TNRC6B: variants seen among roughly 807,000 people sequenced by gnomAD.
The protein encoded by TNRC6B is trinucleotide repeat-containing gene 6B protein.
In TNRC6B, 52 loss-of-function variants were observed where a neutral mutation model predicts 203.6. The observed-to-expected ratio is 0.26, with a 90% CI of 0.20 to 0.32. The LOEUF is 0.32. Ranked by LOEUF, TNRC6B falls within the 10% of genes least tolerant of loss-of-function variation. The pLI is 1.00. For synonymous variants in TNRC6B, 838 were observed against 845.7 expected, an observed-to-expected ratio of 0.99 and a Z score of 0.16; for missense variants, 1,923 against 2,286.2, an observed-to-expected ratio of 0.84 and a Z score of 3.24.
chr22:40,271,783 G>A (rs2070566564), intron 6 of TNRC6B, among the ~76,000 whole-genome samples: 2 of 152,188 alleles, frequency 1.3e-5, no homozygotes, highest in African/African-American at 4.8e-5. Flanking sequence ...AGGATCATCT[G>A]TAGTTATAGC....
In TNRC6B at chr22:40,266,724, C is replaced by T. The variant is rs1287908016; in HGVS notation, c.2494C>T (p.Pro832Ser). 5.0e-6 allele frequency: 8 copies of T among 1,613,910 alleles called. No individual in the cohort carries two copies. The highest frequency in any genetic ancestry group is 2.2e-5 in the East Asian group (1 of 44,898). Residue 832 changes from proline to serine, a missense_variant, in exon 5 of 23, where the codon CCA (proline) becomes TCA (serine). By Grantham distance (74) the Pro-to-Ser change is moderately conservative (BLOSUM62 -1). Transcript: ENST00000454349. The stretch of plus-strand genomic sequence containing the variant: ...GCAGCCCCCACAGCAGCCGCCGCCA[C>T]CACAACCAGAGGCTTCTGGTTCGTG... ...QQQPPQQPPP[P>S]QPEASGSWGG...
chr22:40,280,239 A>G (rs1398644515), intron 10 of TNRC6B, 96 bp downstream of exon 10: 4 of 1,276,020 alleles, frequency 3.1e-6, no homozygotes, highest in Non-Finnish European at 4.4e-6. Context: ...GCATAGAATT[A>G]CTGAACTAGA....
At chr22:40,220,197 TGG>T (rs1171359358) in intron 1 of TNRC6B, among the ~76,000 whole-genome samples, 2 of 152,192 alleles carry the variant, frequency 1.3e-5, no homozygotes, top group African/African-American at 2.4e-5. Flanking sequence ...CTGCTTACTC[TGG>T]GCTTATGGAG....
At position 40,132,969 on chromosome 22, in the gene TNRC6B, A is replaced by AAAATATAT. The variant is rs1282694632; in HGVS notation, c.45+7108_45+7109insAATATATA. Among the ~76,000 whole-genome samples, 71 of 78,174 alleles carry AAAATATAT rather than the reference A, an allele frequency of 9.1e-4. 3 individuals carry two copies. Among genetic ancestry groups the AAAATATAT allele is most frequent in the African/African-American group, 1.6e-3 (39 of 25,160 alleles). The allele number at this position is 78,174 out of a possible 152,430, so 51.3% of individuals were successfully genotyped here. A position where few individuals can be genotyped will look rare whatever the true frequency, so the allele number is the denominator to read the frequency against. On this transcript the variant is annotated intron_variant, in intron 3 of 23. Coordinates refer to the TNRC6B transcript ENST00000301923. Reference sequence around the variant, plus strand: ...AAAAAAAAAAAAAAAAAAAAAAAAAAATATATATATATATATATATATTCT... The same window carrying AAAATATAT: ...AAAAAAAAAAAAAAAAAAAAAAAAAAAAATATATATATATATATATATATATATATTCT...
upstream of TNRC6B, among the ~76,000 whole-genome samples, chr22:40,174,430 C>A (rs1417088506): frequency 6.6e-6 from 1 of 152,110 alleles, no homozygotes; most frequent in Non-Finnish European, 1.5e-5. Flanking sequence ...ATCCACCCAC[C>A]TCGGCGTCCC....
At chr22:40,178,699 A>G (rs1006174329) in intron 1 of TNRC6B, among the ~76,000 whole-genome samples, 1 of 152,174 alleles carries the variant, frequency 6.6e-6, no homozygotes, top group Non-Finnish European at 1.5e-5. Flanking sequence ...GGTGAACACC[A>G]GGAGGTTTGG....
At chr22:40,105,621 G>A (rs2068276695) in intron 1 of TNRC6B, among the ~76,000 whole-genome samples, 1 of 152,158 alleles carries the variant, frequency 6.6e-6, no homozygotes, top group Admixed American at 6.5e-5. Flanking sequence ...ACATGTGGCT[G>A]TCCCTTTGTT....
intron 3 of TNRC6B, among the ~76,000 whole-genome samples, chr22:40,133,169 C>A (rs781664421): frequency 6.6e-6 from 1 of 151,534 alleles, no homozygotes; most frequent in Non-Finnish European, 1.5e-5. Context: ...ATGTAATGCT[C>A]ATTTTTCTTA....
At chr22:40,270,435 T>C (rs974445042) in intron 6 of TNRC6B, among the ~76,000 whole-genome samples, 155 bp downstream of exon 6, 2 of 151,022 alleles carry the variant, frequency 1.3e-5, no homozygotes, top group Non-Finnish European at 3.0e-5. Flanking sequence ...TTCTCCTGCC[T>C]CAGCCTCCCG....
At chr22:40,152,935 T>C (rs570279932) in intron 3 of TNRC6B, among the ~76,000 whole-genome samples, 1 of 151,882 alleles carries the variant, frequency 6.6e-6, no homozygotes, top group East Asian at 2.0e-4. Flanking sequence ...CCCCTGTCTG[T>C]ACTAAAAATA....
chr22:40,138,781 A>G (rs1017086594), intron 3 of TNRC6B, among the ~76,000 whole-genome samples: 1 of 152,198 alleles, frequency 6.6e-6, no homozygotes, highest in African/African-American at 2.4e-5. Flanking sequence ...GACTGTGTCC[A>G]ACCTGAGCAT....
intron 1 of TNRC6B, among the ~76,000 whole-genome samples, chr22:40,201,011 CATT>C (rs2069405307): frequency 6.6e-6 from 1 of 152,164 alleles, no homozygotes. Context: ...GTCTCATCCC[CATT>C]TAACAGAGCT....
At position 40,265,883 on chromosome 22, in the gene TNRC6B, C is replaced by T. The variant is rs754245780; in HGVS notation, c.1653C>T (p.Gly551=). ...QKGHPLPENQ[G]NAQAPCWGRS... ...GCCACCCCCTCCCTGAAAACCAAGG[C>T]AATGCCCAGGCTCCCTGTTGGGGAA... The change falls in exon 5 of 23, where the codon GGC becomes GGT. Residue 551 remains glycine, a synonymous_variant. Coordinates refer to ENST00000454349, the MANE Select transcript of TNRC6B (RefSeq NM_001162501.2). The T allele has an allele frequency of 5.6e-6, 9 of 1,614,012 alleles. No individual in the cohort carries two copies. The highest frequency in any genetic ancestry group is 5.5e-5 in the South Asian group (5 of 91,084).
At chr22:40,069,491 AT>A (rs370817024) in intron 1 of TNRC6B, among the ~76,000 whole-genome samples, 173 of 137,784 alleles carry the variant, frequency 1.3e-3, no homozygotes, top group South Asian at 0.01. Flanking sequence ...TTTTTTTTTA[AT>A]TTTTTTTTTT....
Position 40,103,709 on chromosome 22 carries a change from C to A in TNRC6B, c.-120-13346C>A, listed in dbSNP as rs532052475. Among the ~76,000 whole-genome samples the A allele has an allele frequency of 2.6e-3, 390 of 152,042 alleles. 1 individual carries two copies. Among genetic ancestry groups the A allele is most frequent in the Non-Finnish European group, 4.4e-3 (301 of 67,992 alleles). ...CCAGGCTGGAGTGCAGTGGCACGATCTTGGCTTCCTGCAACCTCTACCTCT... is the reference window on the plus strand; with the variant it reads ...CCAGGCTGGAGTGCAGTGGCACGATATTGGCTTCCTGCAACCTCTACCTCT... On this transcript the variant is annotated intron_variant, in intron 1 of 23. Coordinates refer to the TNRC6B transcript ENST00000301923.
At chr22:40,148,092 C>T (rs1202398763) in intron 3 of TNRC6B, among the ~76,000 whole-genome samples, 2 of 151,970 alleles carry the variant, frequency 1.3e-5, no homozygotes, top group African/African-American at 2.4e-5. Context: ...GAAGACACTA[C>T]CAGAGAACAG....
intron 3 of TNRC6B, among the ~76,000 whole-genome samples, chr22:40,132,969 A>T (rs2413616): frequency 0.12 from 9,093 of 77,578 alleles, 1,043 homozygotes; most frequent in African/African-American, 0.25. Context: ...AAAAAAAAAA[A>T]ATATATATAT....
intron 2 of TNRC6B, 55 bp from the exon 3 acceptor site, chr22:40,251,124 T>A: frequency 6.9e-7 from 1 of 1,447,244 alleles, no homozygotes; most frequent in East Asian, 2.5e-5. Context: ...AGTCTGAAAA[T>A]ACAGTACTGA....
chr22:40,059,818 T>G (rs977588616), intron 1 of TNRC6B, among the ~76,000 whole-genome samples: 4 of 135,872 alleles, frequency 2.9e-5, no homozygotes, highest in African/African-American at 7.2e-5. Context: ...GAGTTTGGTT[T>G]TTTTTTTTTT....
Sources: gnomAD v4.1 joint callset for allele counts (sites outside exome capture counted in the v4.1 genomes callset) on GRCh38, gnomAD v4.1.1 for gene constraint, MANE v1.5 for transcripts, NCBI Gene and HGNC (gene_info 2026-07-23, HGNC 2026-07-21) for gene names.